The following NEK1 variants were observed in gnomAD, a reference collection of about 807,000 sequenced individuals.
NEK1 encodes the protein serine/threonine-protein kinase Nek1.
Under a neutral mutation model 182.1 loss-of-function variants are expected in NEK1, and 137 were observed. The ratio of observed to expected loss-of-function variants is 0.75; its 90% CI spans 0.65 to 0.87. The LOEUF (loss-of-function observed/expected upper bound fraction) is 0.87. Ranked by LOEUF, NEK1 falls within the 40% of genes least tolerant of loss-of-function variation. NEK1 has a pLI of 0.00. For synonymous variants in NEK1, 513 were observed against 492.2 expected, an observed-to-expected ratio of 1.04 and a Z score of -0.56; for missense variants, 1,391 against 1,494.4, an observed-to-expected ratio of 0.93 and a Z score of 1.14.
rs1759081570 is a variant in NEK1 at position 169,539,655 on chromosome 4, C to T, written c.1563-1744G>A. Among the ~76,000 whole-genome samples the T allele has an allele frequency of 2.0e-5, 3 of 152,076 alleles. No individual in the cohort carries two copies. In the South Asian group the frequency reaches 6.2e-4, roughly 32 times the overall value. On this transcript the variant is annotated intron_variant, in intron 18 of 35. Coordinates refer to ENST00000507142, the MANE Select transcript of NEK1 (RefSeq NM_001199397.3). Reference sequence around the variant, plus strand: ...TGTATTCTGTTTTGCTATAGCCCGTCTACGTAAGGCTAGGCCTGAGGAAGG... The same window carrying T: ...TGTATTCTGTTTTGCTATAGCCCGTTTACGTAAGGCTAGGCCTGAGGAAGG...
intron 23 of NEK1, among the ~76,000 whole-genome samples, chr4:169,495,541 C>A (rs1342457265): frequency 6.6e-6 from 1 of 151,962 alleles, no homozygotes; most frequent in African/African-American, 2.4e-5. Context: ...CGTGCCCGGC[C>A]CATTTAAGTC....
chr4:169,581,111 G>A (rs1766579346), intron 10 of NEK1, among the ~76,000 whole-genome samples: 1 of 150,528 alleles, frequency 6.6e-6, no homozygotes, highest in Non-Finnish European at 1.5e-5. Context: ...CACTTTAGGA[G>A]GCTGAGGGGA....
rs1321745852 is a variant in NEK1, at chr4:169,400,182, T to A, written c.3847+43A>T. On this transcript the variant is annotated intron_variant, in intron 35 of 35. Transcript: ENST00000507142. Reference sequence around the variant, plus strand: ...ATATACATGTATCATCTTGTTTTTCTCACATTTACTGAAAATTATACAGAC... The same window carrying A: ...ATATACATGTATCATCTTGTTTTTCACACATTTACTGAAAATTATACAGAC... The A allele has an allele frequency of 3.2e-6, 5 of 1,544,770 alleles. No homozygotes were observed. In the East Asian group the frequency reaches 1.2e-4, roughly 36 times the overall value.
At chr4:169,583,875 T>C (rs1045712766) in intron 10 of NEK1, among the ~76,000 whole-genome samples, 1 of 152,222 alleles carries the variant, frequency 6.6e-6, no homozygotes, top group Non-Finnish European at 1.5e-5. Context: ...ATTCTCCTGG[T>C]AGTAACAGTA....
intron 12 of NEK1, among the ~76,000 whole-genome samples, chr4:169,570,476 C>G (rs367617759): frequency 3.3e-5 from 5 of 150,128 alleles, no homozygotes; most frequent in African/African-American, 1.2e-4. Flanking sequence ...GCCCCCCGCC[C>G]GGCCAGCCGC....
rs145811480 is a variant in NEK1, at chr4:169,537,494, AGAACTTATTTCTTTATCTGGGTT to A, written c.1665+292_1665+314del. On this transcript the variant is annotated intron_variant, in intron 19 of 35. Transcript: ENST00000507142. ...GGGAAAAAAAACATGCAGCAATCCA[AGAACTTATTTCTTTATCTGGGTT>A]GCTATACCCATTTCTACTCTTTTAA... is the stretch of plus-strand genomic sequence containing the variant. 2.9e-3 allele frequency among the ~76,000 whole-genome samples: 448 copies of A among 152,326 alleles called. 1 individual carries two copies. The highest frequency in any genetic ancestry group is 0.01 in the African/African-American group (418 of 41,574).
intron 16 of NEK1, among the ~76,000 whole-genome samples, chr4:169,560,133 T>C (rs1762699964): frequency 1.3e-5 from 2 of 152,232 alleles, no homozygotes; most frequent in African/African-American, 4.8e-5. Flanking sequence ...CTATTTATAA[T>C]CTCAGTTCCC....
chr4:169,422,573 C>T (rs985509259), intron 31 of NEK1, among the ~76,000 whole-genome samples: 4 of 152,142 alleles, frequency 2.6e-5, no homozygotes, highest in Non-Finnish European at 5.9e-5. Context: ...AATTATCCCA[C>T]CTTAGTAAAC....
chr4:169,511,354 A>G (rs543678269), intron 19 of NEK1, among the ~76,000 whole-genome samples: 3 of 152,240 alleles, frequency 2.0e-5, no homozygotes, highest in Admixed American at 2.0e-4. Flanking sequence ...CAAAGATGTG[A>G]GATAAATTCT....
chr4:169,463,976 A>G (rs1303409879), intron 26 of NEK1, among the ~76,000 whole-genome samples: 4 of 152,130 alleles, frequency 2.6e-5, no homozygotes, highest in Non-Finnish European at 5.9e-5. Flanking sequence ...GACTTGAGGT[A>G]ATTTTATATA....
intron 19 of NEK1, among the ~76,000 whole-genome samples, chr4:169,537,095 TGA>T (rs1010166852): frequency 5.3e-5 from 8 of 152,314 alleles, no homozygotes; most frequent in African/African-American, 1.9e-4. Flanking sequence ...ATTTCTTATA[TGA>T]GTGTGCTGCT....
chr4:169,523,952 T>A lies in NEK1; in HGVS notation c.1665+13857A>T, dbSNP rs183854823. On this transcript the variant is annotated intron_variant, in intron 19 of 35. Coordinates refer to ENST00000507142, the MANE Select transcript of NEK1 (RefSeq NM_001199397.3). ...TAAATAAACACAGTATGATTTAAGA[T>A]GAGTTAATAAGAAAGTAACATTTCT... 1.1e-3 allele frequency among the ~76,000 whole-genome samples: 164 copies of A among 152,334 alleles called. 1 individual carries two copies. Among genetic ancestry groups the A allele is most frequent in the African/African-American group, 3.4e-3 (140 of 41,582 alleles).
chr4:169,570,988 A>C (rs941016965), intron 12 of NEK1, among the ~76,000 whole-genome samples: 2 of 151,640 alleles, frequency 1.3e-5, no homozygotes, highest in African/African-American at 4.8e-5. Context: ...CAGCATGCTC[A>C]TTAAGAGTCA....
rs368699255 is a variant in NEK1 at position 169,463,326 on chromosome 4, G to T, written c.2504C>A (p.Pro835Gln). 1.9e-6 allele frequency: 3 copies of T among 1,609,590 alleles called. No individual in the cohort carries two copies. The highest frequency in any genetic ancestry group is 2.5e-6 in the Non-Finnish European group (3 of 1,177,362). ...AAGTATCTTTAGAACAGAATCTGTC[G>T]GACTTTTCCCCCAGGCTCTTCTTGG... ...GSPRRAWGKS[P>Q]TDSVLKILGE... is the part of the protein sequence containing the mutation. Residue 835 changes from proline to glutamine, a missense_variant, in exon 27 of 36, where the codon CCG becomes CAG. Physicochemically the swap from Pro to Gln is moderately conservative, Grantham distance 76. Transcript: ENST00000507142.
rs765417970 is a variant in NEK1, at chr4:169,463,264, C to T, written c.2566G>A (p.Glu856Lys). 3 of 1,576,804 alleles carry T rather than the reference C, an allele frequency of 1.9e-6. No homozygotes were observed. The highest frequency in any genetic ancestry group is 2.6e-6 in the Non-Finnish European group (3 of 1,162,070). ...AELQLQTELL[E>K]NTTIRSEISP... ...TTACCACTTCTAATAGTTGTATTTT[C>T]TAATAGTTCTGTCTGAAGTTGTAGT... The change falls in exon 27 of 36, where the codon GAA becomes AAA. Residue 856 changes from glutamate (E) to lysine (K), a missense_variant. This residue lies in a region of NEK1 where 1,216 missense variants were observed against 1,277.6 expected (regional missense o/e 0.95). Transcript: ENST00000507142.
chr4:169,556,397 AGC>A (rs1319071844), intron 16 of NEK1, among the ~76,000 whole-genome samples: 2 of 152,268 alleles, frequency 1.3e-5, no homozygotes, highest in East Asian at 3.9e-4. Flanking sequence ...TTTTGAAACA[AGC>A]TTCCAATATA....
chr4:169,476,254 C>A (rs540005886), intron 26 of NEK1, among the ~76,000 whole-genome samples: 3 of 152,026 alleles, frequency 2.0e-5, no homozygotes, highest in Admixed American at 2.0e-4. Flanking sequence ...GTGACTGGAT[C>A]ATGGGGGCTC....
At chr4:169,471,286 TGAC>T (rs1745916399) in intron 26 of NEK1, among the ~76,000 whole-genome samples, 1 of 152,204 alleles carries the variant, frequency 6.6e-6, no homozygotes, top group African/African-American at 2.4e-5. Context: ...TTGATGTTGG[TGAC>T]CTTTGGATGG....
At chr4:169,537,144 T>C (rs975910347) in intron 19 of NEK1, among the ~76,000 whole-genome samples, 1 of 152,190 alleles carries the variant, frequency 6.6e-6, no homozygotes, top group African/African-American at 2.4e-5. Context: ...AATCATCAGT[T>C]GTTCTGTAGA....
Sources: allele counts gnomAD v4.1 joint callset (sites outside exome capture counted in the v4.1 genomes callset), GRCh38; gene constraint gnomAD v4.1.1; regional missense constraint gnomAD v4.1.1; transcripts MANE v1.5; gene names NCBI Gene and HGNC (gene_info 2026-07-23, HGNC 2026-07-21).